The following HMGCS1 variants were observed in gnomAD, a reference collection of about 807,000 sequenced individuals.
HMGCS1 encodes the protein hydroxymethylglutaryl-CoA synthase, cytoplasmic.
Under a neutral mutation model 52.3 loss-of-function variants are expected in HMGCS1, and 9 were observed. The observed-to-expected ratio is 0.17, with a 90% CI of 0.10 to 0.30. The LOEUF (loss-of-function observed/expected upper bound fraction) is 0.30, where lower values mean the gene tolerates loss of function less well. HMGCS1 is among the 10% of genes least tolerant of loss of function. The pLI is 1.00. For missense variants in HMGCS1, 320 were observed against 620.9 expected (o/e 0.52, Z 5.15); for synonymous variants, 176 against 214.4 (o/e 0.82, Z 1.57).
chr5:43,300,379 G>A (rs998138685), intron 2 of HMGCS1, among the ~76,000 whole-genome samples: 5 of 152,118 alleles, frequency 3.3e-5, no homozygotes, highest in African/African-American at 7.2e-5. Flanking sequence ...TACCTGGGCC[G>A]AACTGATTCA....
Position 43,298,002 on chromosome 5 carries a change from C to T in HMGCS1, c.574+7G>A. 10 of 1,612,572 alleles carry T rather than the reference C, an allele frequency of 6.2e-6. No individual in the cohort carries two copies. Among genetic ancestry groups the T allele is most frequent in the Non-Finnish European group, 8.5e-6 (10 of 1,179,600 alleles). On this transcript the variant is annotated splice_region_variant and intron_variant, in intron 4 of 10. Coordinates refer to ENST00000325110, the MANE Select transcript of HMGCS1 (RefSeq NM_001098272.3). This position sits in a 1 kb window ranked among gnomAD's most constrained non-coding sequence, Gnocchi z 5.6. ...AAAAAAACAAAAATGCTTTCCCAAG[C>T]ACTTACCTCGTTCAAAAATTAAAGG...
chr5:43,295,986 A>T, intron 5 of HMGCS1, 69 bp from the exon 6 acceptor site: 1 of 1,172,470 alleles, frequency 8.5e-7, no homozygotes, highest in Non-Finnish European at 1.2e-6. Context: ...TGACTTTAGA[A>T]TAAAGCTAGG....
At position 43,289,634 on chromosome 5, in the gene HMGCS1, T is replaced by C. The variant is rs1173215829; in HGVS notation, c.*1497A>G. 1 of 152,620 alleles carries C rather than the reference T, an allele frequency of 6.6e-6. No homozygotes were observed. The highest frequency in any genetic ancestry group is 1.5e-5 in the Non-Finnish European group (1 of 68,032). The allele number at this position is 152,620 out of a possible 1,614,324, so 9.5% of individuals were successfully genotyped here. On this transcript the variant is annotated 3_prime_UTR_variant, in exon 11 of 11. Transcript: ENST00000325110. ...ACCATTCTTTAAATCAGAACTTACA[T>C]TATTAATCTACATCAGTGAATGTTA...
intron 4 of HMGCS1, among the ~76,000 whole-genome samples, chr5:43,297,421 T>C (rs1257247620): frequency 6.6e-6 from 1 of 152,180 alleles, no homozygotes; most frequent in East Asian, 1.9e-4. Context: ...GTTACTCTAC[T>C]ACACTGAAGA....
At chr5:43,297,557 C>T (rs921003362) in intron 4 of HMGCS1, among the ~76,000 whole-genome samples, 6 of 152,128 alleles carry the variant, frequency 3.9e-5, no homozygotes, top group Non-Finnish European at 5.9e-5. Context: ...AGATTAAATA[C>T]AGGCCAGGCA....
At position 43,298,316 on chromosome 5, in the gene HMGCS1, T is replaced by C; in HGVS notation, c.449-182A>G. ...CTCTGTCATCCATCTGACTAAATTTTGAATAGACCATTTGTCCTACAAGAT... is the reference window on the plus strand; with the variant it reads ...CTCTGTCATCCATCTGACTAAATTTCGAATAGACCATTTGTCCTACAAGAT... On this transcript the variant is annotated intron_variant, in intron 3 of 10. Transcript: ENST00000325110. This position sits in a 1 kb window ranked among gnomAD's most constrained non-coding sequence, Gnocchi z 5.6. 1.5e-6 allele frequency: 1 copy of C among 673,236 alleles called. No homozygotes were observed. Among genetic ancestry groups the C allele is most frequent in the Non-Finnish European group, 2.5e-6 (1 of 406,360 alleles). The allele number at this position is 673,236 out of a possible 1,614,324, so 41.7% of individuals were successfully genotyped here.
rs192397674 is a variant in HMGCS1 at position 43,294,490 on chromosome 5, T to G, written c.1076+201A>C. ...TGAAAACAGAAGCCAGGAAAGCCAG[T>G]ATGAAATTAACAAATACTTCTGGAA... is the stretch of plus-strand genomic sequence containing the variant. On this transcript the variant is annotated intron_variant, in intron 7 of 10. Coordinates refer to ENST00000325110, the MANE Select transcript of HMGCS1 (RefSeq NM_001098272.3). 1,080 of 498,552 alleles carry G rather than the reference T, an allele frequency of 2.2e-3. 4 individuals are homozygous for G. Among genetic ancestry groups the G allele is most frequent in the Admixed American group, 7.1e-3 (189 of 26,684 alleles). 30.9% of individuals were successfully genotyped at this position (498,552 alleles called of 1,614,324 possible). A position where few individuals can be genotyped will look rare whatever the true frequency, so the allele number is the denominator to read the frequency against.
chr5:43,293,525 AC>A (rs1753880990), intron 8 of HMGCS1, among the ~76,000 whole-genome samples: 1 of 151,768 alleles, frequency 6.6e-6, no homozygotes, highest in Non-Finnish European at 1.5e-5. Flanking sequence ...AAATTAGATA[AC>A]TTAGTCCTAT....
chr5:43,304,350 C>G (rs1684866009), intron 2 of HMGCS1, among the ~76,000 whole-genome samples: 1 of 152,186 alleles, frequency 6.6e-6, no homozygotes, highest in South Asian at 2.1e-4. Flanking sequence ...GTTTTTAACA[C>G]TATTGGAAAT....
At chr5:43,311,348 G>C (rs976311812) in intron 1 of HMGCS1, among the ~76,000 whole-genome samples, 3 of 149,546 alleles carry the variant, frequency 2.0e-5, no homozygotes, top group East Asian at 3.9e-4. Flanking sequence ...AAAAAATCTA[G>C]TCCTATCATT....
chr5:43,302,836 G>A (rs1348189455), intron 2 of HMGCS1, among the ~76,000 whole-genome samples: 1 of 152,190 alleles, frequency 6.6e-6, no homozygotes, highest in East Asian at 1.9e-4. Context: ...ATCTTGAAAG[G>A]AATGCTACAT....
chr5:43,297,833 G>A (rs562790504), intron 4 of HMGCS1, among the ~76,000 whole-genome samples, 176 bp downstream of exon 4: 1 of 147,270 alleles, frequency 6.8e-6, no homozygotes, highest in Admixed American at 6.7e-5. Flanking sequence ...AGTGAAACTC[G>A]GTCTCAAAAA....
At chr5:43,292,194 T>C (rs1753807547) in intron 10 of HMGCS1, among the ~76,000 whole-genome samples, 2 of 152,202 alleles carry the variant, frequency 1.3e-5, no homozygotes, top group South Asian at 2.1e-4. Context: ...GGTTTCACCA[T>C]GTTGGACAGG....
At chr5:43,304,483 T>C (rs1409373510) in intron 2 of HMGCS1, among the ~76,000 whole-genome samples, 1 of 152,268 alleles carries the variant, frequency 6.6e-6, no homozygotes, top group East Asian at 1.9e-4. Flanking sequence ...ATATATTTAA[T>C]TATCCTTATA....
At chr5:43,306,687 A>G (rs2111728973) in intron 2 of HMGCS1, among the ~76,000 whole-genome samples, 1 of 136,514 alleles carries the variant, frequency 7.3e-6, no homozygotes, top group East Asian at 1.9e-4. Flanking sequence ...AATCTTTAAC[A>G]TTGCTGGTCC....
Position 43,292,887 on chromosome 5 carries a change from C to T in HMGCS1, c.1270G>A (p.Ala424Thr), listed in dbSNP as rs888852464. The stretch of plus-strand genomic sequence containing the variant: ...TCCTCTCTGAGCTTCATGTTTTCAG[C>T]GAAGACATCTGGTGCCACACCAGTT... Reference protein sequence around the residue: ...SRTGVAPDVFAENMKLREDTH... With the variant: ...SRTGVAPDVFTENMKLREDTH... Residue 424 changes from alanine to threonine, a missense_variant, in exon 9 of 11, where the codon GCT (alanine) becomes ACT (threonine). By Grantham distance (58) the Ala-to-Thr change is moderately conservative (BLOSUM62 0). Transcript: ENST00000325110. 9.3e-6 allele frequency: 15 copies of T among 1,610,218 alleles called. No homozygotes were observed. In the African/African-American group the frequency reaches 9.4e-5, roughly 10 times the overall value.
chr5:43,298,902 G>T lies in HMGCS1; in HGVS notation c.64C>A (p.Leu22Ile), dbSNP rs754312213. 6.8e-6 allele frequency: 11 copies of T among 1,614,026 alleles called. No homozygotes were observed. The highest frequency in any genetic ancestry group is 9.3e-6 in the Non-Finnish European group (11 of 1,180,012). The stretch of plus-strand genomic sequence containing the variant: ...TATTGAGAAGGAAAATAGATCTCAA[G>T]GGCAACAATTCCCACATCTTTTGGC... The part of the protein sequence containing the change: ...CWPKDVGIVA[L>I]EIYFPSQYVD... Residue 22 changes from leucine to isoleucine, a missense_variant, in exon 3 of 11, where the codon CTT (leucine) becomes ATT (isoleucine). By Grantham distance (5) the Leu-to-Ile change is conservative (BLOSUM62 2). Transcript: ENST00000325110. This position sits in a 1 kb window ranked among gnomAD's most constrained non-coding sequence, Gnocchi z 5.6.
intron 2 of HMGCS1, among the ~76,000 whole-genome samples, chr5:43,304,508 C>T (rs1754468436): frequency 6.6e-6 from 1 of 152,170 alleles, no homozygotes; most frequent in South Asian, 2.1e-4. Context: ...TTGTACAATT[C>T]TCTATAAAAA....
Position 43,288,700 on chromosome 5 carries a change from T to C in HMGCS1, c.*2431A>G, listed in dbSNP as rs922460390. 1 of 152,186 alleles carries C rather than the reference T, an allele frequency of 6.6e-6. No individual in the cohort carries two copies. The highest frequency in any genetic ancestry group is 1.5e-5 in the Non-Finnish European group (1 of 68,048). The allele number at this position is 152,186 out of a possible 1,614,324, so 9.4% of individuals were successfully genotyped here. On this transcript the variant is annotated 3_prime_UTR_variant, in exon 11 of 11. Transcript: ENST00000325110. ...ATATCCTACAATGTGCAAGCAGAAG[T>C]GACCTTAGAGAACGCTAGCCTCTAA...
Sources: gnomAD v4.1 joint callset for allele counts (sites outside exome capture counted in the v4.1 genomes callset) on GRCh38, gnomAD v4.1.1 for gene constraint, Gnocchi (gnomAD v3.1) non-coding constraint, MANE v1.5 for transcripts, NCBI Gene and HGNC (gene_info 2026-07-23, HGNC 2026-07-21) for gene names.